Variants in RNF213 observed in about 807,000 individuals in gnomAD.
RNF213 encodes E3 ubiquitin-protein ligase RNF213.
Under a neutral mutation model 514.4 loss-of-function variants are expected in RNF213, and 341 were observed. The ratio of observed to expected loss-of-function variants is 0.66; its 90% CI spans 0.61 to 0.73. RNF213 has a LOEUF of 0.73. Among genes scored for constraint, RNF213 ranks in the 30% least tolerant of loss-of-function variants. RNF213 has a pLI of 0.00. For synonymous variants in RNF213, 2,655 were observed against 2,658.2 expected, an observed-to-expected ratio of 1.00 and a Z score of 0.04; for missense variants, 5,767 against 6,615.6, an observed-to-expected ratio of 0.87 and a Z score of 4.45.
At position 80,363,737 on chromosome 17, in the gene RNF213, T is replaced by C. The variant is rs1203114868; in HGVS notation, c.11697T>C (p.Asp3899=). The change falls in exon 41 of 68, where the codon GAT becomes GAC. Residue 3899 remains aspartate, a synonymous_variant. Transcript: ENST00000582970. ...LSMPLELICS[D]EHMQGSGSLA... Reference sequence around the variant, plus strand: ...TGCCGCTGGAGCTCATCTGCTCCGATGAGCACATGCAAGGCAGCGGGAGCC... The same window carrying C: ...TGCCGCTGGAGCTCATCTGCTCCGACGAGCACATGCAAGGCAGCGGGAGCC... The C allele has an allele frequency of 1.9e-5, 30 of 1,613,818 alleles. No homozygotes were observed. Among genetic ancestry groups the C allele is most frequent in the Non-Finnish European group, 2.5e-5 (29 of 1,180,018 alleles).
intron 54 of RNF213, among the ~76,000 whole-genome samples, chr17:80,378,813 G>A (rs1341888225): frequency 6.6e-6 from 1 of 152,178 alleles, no homozygotes; most frequent in Admixed American, 6.5e-5. Context: ...TCAGTATATT[G>A]TGGCACAATA....
In RNF213 at chr17:80,393,449, C is replaced by T. The variant is rs2080565670; in HGVS notation, c.15575C>T (p.Ser5192Leu). The change falls in exon 68 of 68, where the codon TCA becomes TTA. Residue 5192 changes from serine to leucine, a missense_variant. By Grantham distance (145) the Ser-to-Leu change is moderately radical. Transcript: ENST00000582970. ...PEEILLASCV[S>L]VWKTAAVLKW... The stretch of plus-strand genomic sequence containing the variant: ...GAGATACTGCTCGCCAGCTGTGTCT[C>T]AGTGTGGAAAACAGCTGCTGTGCTG... 15 of 1,614,190 alleles carry T rather than the reference C, an allele frequency of 9.3e-6. No homozygotes were observed. In the East Asian group the frequency reaches 3.3e-4, roughly 36 times the overall value.
At position 80,375,860 on chromosome 17, in the gene RNF213, C is replaced by A. The variant is rs1360626385; in HGVS notation, c.13175C>A (p.Pro4392His). Residue 4392 changes from proline (P) to histidine (H), a missense_variant, in exon 51 of 68, where the codon CCC (proline) becomes CAC (histidine). Pro to His is a moderately conservative substitution (Grantham distance 77). Around this residue, in one of 13 missense-constraint regions of RNF213, gnomAD observed 1,245 missense variants for 1,339.0 expected, o/e 0.93. Coordinates refer to ENST00000582970, the MANE Select transcript of RNF213 (RefSeq NM_001256071.3). ...LYRSHNASLH[P>H]TPEQCEAVSK... Reference sequence around the variant, plus strand: ...AGATCCCACAATGCAAGCCTCCACCCCACGCCAGAGGTGAGTAACCGCCTG... The same window carrying A: ...AGATCCCACAATGCAAGCCTCCACCACACGCCAGAGGTGAGTAACCGCCTG... The A allele has an allele frequency of 6.2e-7, 1 of 1,610,544 alleles. No homozygotes were observed. Among genetic ancestry groups the A allele is most frequent in the Admixed American group, 1.7e-5 (1 of 60,024 alleles).
chr17:80,347,992 C>T lies in RNF213; in HGVS notation c.9657C>T (p.Ile3219=), dbSNP rs553602531. The T allele has an allele frequency of 6.3e-5, 102 of 1,614,124 alleles. No homozygotes were observed. Among genetic ancestry groups the T allele is most frequent in the South Asian group, 1.8e-4 (16 of 91,082 alleles). ...RHKYSPSDVF[I]GYHSDACASV... is the part of the protein sequence containing the mutation. Reference sequence around the variant, plus strand: ...AATACAGCCCCTCTGACGTCTTCATCGGCTACCACTCGGACGCCTGCGCGT... The same window carrying T: ...AATACAGCCCCTCTGACGTCTTCATTGGCTACCACTCGGACGCCTGCGCGT... The change falls in exon 29 of 68, where the codon ATC becomes ATT. Residue 3219 remains isoleucine (I), a synonymous_variant. Transcript: ENST00000582970. The surrounding 1 kb of genome is among the most constrained non-coding windows in gnomAD (Gnocchi z 7.2).
chr17:80,379,691 T>C lies in RNF213; in HGVS notation c.13617T>C (p.Pro4539=). The change falls in exon 55 of 68, where the codon CCT becomes CCC. Residue 4539 remains proline, a synonymous_variant. Transcript: ENST00000582970. Reference sequence around the variant, plus strand: ...CGATTGGAGGCATTGACCACAAACCTCGGGACGGCTTTCATCTGGTCAAGT... The same window carrying C: ...CGATTGGAGGCATTGACCACAAACCCCGGGACGGCTTTCATCTGGTCAAGT... ...HAPIGGIDHK[P]RDGFHLVKDK... 6.2e-7 allele frequency: 1 copy of C among 1,614,204 alleles called. No individual in the cohort carries two copies. The highest frequency in any genetic ancestry group is 8.5e-7 in the Non-Finnish European group (1 of 1,180,026).
rs2143321825 is a variant in RNF213 at position 80,291,799 on chromosome 17, C to T, written c.1443C>T (p.Phe481=). The part of the protein sequence containing the change: ...KKGEYVNRCL[F]IKSSLLGSGD... ...GCGAGTACGTCAACCGCTGTCTGTTCATAAAATCTTCACTTCTGGGCTCAG... is the reference window on the plus strand; with the variant it reads ...GCGAGTACGTCAACCGCTGTCTGTTTATAAAATCTTCACTTCTGGGCTCAG... Residue 481 remains phenylalanine, a synonymous_variant, in exon 8 of 68, where the codon TTC becomes TTT. Coordinates refer to ENST00000582970, the MANE Select transcript of RNF213 (RefSeq NM_001256071.3). 1 of 1,614,228 alleles carries T rather than the reference C, an allele frequency of 6.2e-7. No homozygotes were observed.
intron 18 of RNF213, among the ~76,000 whole-genome samples, chr17:80,327,312 A>C (rs2046305318): frequency 1.3e-5 from 2 of 152,232 alleles, no homozygotes; most frequent in African/African-American, 4.8e-5. Context: ...AGCCTGGGCA[A>C]CAAAGTGAGA....
rs370055048 is a variant in RNF213, at chr17:80,393,530, T to C, written c.*32T>C. On this transcript the variant is annotated 3_prime_UTR_variant, in exon 68 of 68. Coordinates refer to ENST00000582970, the MANE Select transcript of RNF213 (RefSeq NM_001256071.3). The stretch of plus-strand genomic sequence containing the variant: ...TTCCTCAGCTATCTTTGGATGACTT[T>C]GGAGAGAAGACTCCTCTCTCCTCGT... 7 of 1,611,716 alleles carry C rather than the reference T, an allele frequency of 4.3e-6. No individual in the cohort carries two copies. In the African/African-American group the frequency reaches 9.3e-5, roughly 22 times the overall value.
chr17:80,291,966 A>G, intron 8 of RNF213, 139 bp downstream of exon 8: 1 of 865,698 alleles, frequency 1.2e-6, no homozygotes. Context: ...ACCCCGCCCC[A>G]GCCTCCAGGT....
In RNF213 at chr17:80,271,365, G is replaced by T. The variant is rs150377862; in HGVS notation, c.98-1876G>T. On this transcript the variant is annotated intron_variant, in intron 2 of 67. Transcript: ENST00000582970. ...TACGCCAACACTGAGTACTCAAAGGGAAAAAGGTCTGCGTGGTCCCTGCCC... is the reference window on the plus strand; with the variant it reads ...TACGCCAACACTGAGTACTCAAAGGTAAAAAGGTCTGCGTGGTCCCTGCCC... 5.8e-3 allele frequency among the ~76,000 whole-genome samples: 891 copies of T among 152,328 alleles called. 11 individuals are homozygous for T. Among genetic ancestry groups the T allele is most frequent in the South Asian group, 0.02 (95 of 4,820 alleles).
intron 20 of RNF213, among the ~76,000 whole-genome samples, chr17:80,331,390 C>CTTT (rs35912728): frequency 4.4e-5 from 6 of 136,342 alleles, no homozygotes; most frequent in Admixed American, 7.4e-5. Flanking sequence ...CAGTTTATGA[C>CTTT]TTTTTTTTTT....
At chr17:80,359,886 T>A (rs929040903) in intron 37 of RNF213, among the ~76,000 whole-genome samples, 175 bp from the exon 38 acceptor site, 1 of 152,248 alleles carries the variant, frequency 6.6e-6, no homozygotes, top group African/African-American at 2.4e-5. Context: ...GACAGTTCCC[T>A]AGTTCTGTCA....
rs1443701829 is a variant in RNF213, at chr17:80,353,157, C to T, written c.10423+98C>T. The T allele has an allele frequency of 7.9e-6, 12 of 1,522,024 alleles. No individual in the cohort carries two copies. The highest frequency in any genetic ancestry group is 2.7e-5 in the African/African-American group (2 of 73,478). The allele number at this position is 1,522,024 out of a possible 1,614,324, so 94.3% of individuals were successfully genotyped here. A position where few individuals can be genotyped will look rare whatever the true frequency, so the allele number is the denominator to read the frequency against. ...CACATGGCACTAGGAGCAGGGCCAC[C>T]GTGTTTCGTCCCTCGGCAGGAGCTC... On this transcript the variant is annotated intron_variant, in intron 33 of 67. Coordinates refer to ENST00000582970, the MANE Select transcript of RNF213 (RefSeq NM_001256071.3). The surrounding 1 kb of genome is among the most constrained non-coding windows in gnomAD (Gnocchi z 5.0).
At chr17:80,315,327 A>G (rs1297246353) in intron 15 of RNF213, among the ~76,000 whole-genome samples, 6 of 75,234 alleles carry the variant, frequency 8.0e-5, no homozygotes, top group East Asian at 3.8e-4. Flanking sequence ...GGTGGTGGTG[A>G]TGGTGGAGGT....
chr17:80,307,953 T>G (rs1187156273), intron 13 of RNF213, among the ~76,000 whole-genome samples: 1 of 152,034 alleles, frequency 6.6e-6, no homozygotes. Context: ...CATTTTTCCC[T>G]TACTTGTAAA....
intron 6 of RNF213, 107 bp from the exon 7 acceptor site, chr17:80,290,463 G>A: frequency 7.5e-7 from 1 of 1,338,426 alleles, no homozygotes; most frequent in Admixed American, 1.7e-5. Context: ...GAGTGCATGT[G>A]TGTGTGCACG....
At chr17:80,374,187 G>A (rs1038074133) in intron 49 of RNF213, among the ~76,000 whole-genome samples, 5 of 152,162 alleles carry the variant, frequency 3.3e-5, no homozygotes, top group Non-Finnish European at 7.4e-5. Context: ...CAGGTGTGGT[G>A]CGGTGCGCCG....
intron 26 of RNF213, chr17:80,342,040 C>G (rs922842504): frequency 6.6e-6 from 1 of 152,322 alleles, no homozygotes; most frequent in Non-Finnish European, 1.5e-5. Flanking sequence ...CTTGAGTGAT[C>G]ACCCGCCTCA....
chr17:80,323,110 A>T (rs1439873022), intron 17 of RNF213, among the ~76,000 whole-genome samples: 1 of 152,176 alleles, frequency 6.6e-6, no homozygotes, highest in East Asian at 1.9e-4. Flanking sequence ...TTGCATGTGG[A>T]CATCCAGTTG....
Sources: allele counts gnomAD v4.1 joint callset (sites outside exome capture counted in the v4.1 genomes callset), GRCh38; gene constraint gnomAD v4.1.1; regional missense constraint gnomAD v4.1.1; non-coding constraint Gnocchi (gnomAD v3.1); transcripts MANE v1.5; gene names NCBI Gene and HGNC (gene_info 2026-07-23, HGNC 2026-07-21).